SPARCL1: variants seen among roughly 807,000 people sequenced by gnomAD.
The protein encoded by SPARCL1 is SPARC-like protein 1.
SPARCL1 carries 52 observed loss-of-function variants against 67.1 expected under a neutral mutation model. The ratio of observed to expected loss-of-function variants is 0.78; its 90% CI spans 0.62 to 0.98. The LOEUF is 0.98. Ranked by LOEUF, SPARCL1 falls within the 50% of genes least tolerant of loss-of-function variation. The probability of loss-of-function intolerance (pLI) is 0.00; values close to 1 mark genes in which losing one functional copy is unlikely to be tolerated. For synonymous variants in SPARCL1, 226 were observed against 267.8 expected (o/e 0.84, Z 1.52); for missense variants, 717 against 782.4 (o/e 0.92, Z 1.00).
chr4:87,505,438 C>T (rs770422782), intron 1 of SPARCL1, among the ~76,000 whole-genome samples: 10 of 152,058 alleles, frequency 6.6e-5, no homozygotes, highest in Admixed American at 2.0e-4. Context: ...TGTAAAGAAT[C>T]ATTGAAAAAC....
chr4:87,519,642 A>G (rs1168044775), intron 1 of SPARCL1, among the ~76,000 whole-genome samples: 1 of 152,148 alleles, frequency 6.6e-6, no homozygotes, highest in Admixed American at 6.5e-5. Flanking sequence ...TTTTTTCCCT[A>G]TAAGCTGCAA....
In SPARCL1 at chr4:87,493,689, C is replaced by A; in HGVS notation, c.1111G>T (p.Ala371Ser). 1 of 1,614,112 alleles carries A rather than the reference C, an allele frequency of 6.2e-7. No individual in the cohort carries two copies. The highest frequency in any genetic ancestry group is 8.5e-7 in the Non-Finnish European group (1 of 1,180,014). Residue 371 changes from alanine (A) to serine (S), a missense_variant, in exon 4 of 11, where the codon GCC becomes TCC. Ala to Ser is a moderately conservative substitution (Grantham distance 99, BLOSUM62 1). Transcript: ENST00000282470. ...YFIPSQAFLE[A>S]ERAQSIAYHL... ...TAGGCAATGGATTGAGCTCTCTCGG[C>A]CTCCAGAAAGGCCTGGCTTGGGATG...
intron 1 of SPARCL1, among the ~76,000 whole-genome samples, chr4:87,513,726 C>T (rs1473055835): frequency 1.3e-5 from 2 of 152,180 alleles, no homozygotes; most frequent in African/African-American, 2.4e-5. Flanking sequence ...AGTGTTTCTC[C>T]TCCCCTTTTC....
In SPARCL1 at chr4:87,491,497, A is replaced by T. The variant is rs1245196204; in HGVS notation, c.1291+121T>A. 4 of 785,704 alleles carry T rather than the reference A, an allele frequency of 5.1e-6. No individual in the cohort carries two copies. In the African/African-American group the frequency reaches 6.7e-5, roughly 13 times the overall value. The allele number at this position is 785,704 out of a possible 1,614,324, so 48.7% of individuals were successfully genotyped here. A position where few individuals can be genotyped will look rare whatever the true frequency, so the allele number is the denominator to read the frequency against. ...AATTTATGGGAGCATTTCCTTGGGG[A>T]GGACTGGGGAGAGAAAAAATTCTGT... On this transcript the variant is annotated intron_variant, in intron 5 of 10. Transcript: ENST00000282470.
intron 10 of SPARCL1, among the ~76,000 whole-genome samples, chr4:87,479,080 G>A (rs1057143638): frequency 3.3e-5 from 5 of 152,158 alleles, no homozygotes; most frequent in African/African-American, 1.2e-4. Flanking sequence ...ATTTTGAAAA[G>A]TTTGGCCCAA....
chr4:87,528,592 G>A (rs1254943443), intron 1 of SPARCL1: 1 of 152,166 alleles, frequency 6.6e-6, no homozygotes, highest in Non-Finnish European at 1.5e-5. Flanking sequence ...CTACATTGCT[G>A]TTAGGCTCAG....
chr4:87,488,010 G>T (rs996825764), intron 7 of SPARCL1, among the ~76,000 whole-genome samples: 2 of 152,024 alleles, frequency 1.3e-5, no homozygotes, highest in Admixed American at 1.3e-4. Flanking sequence ...TTTTTTCAAG[G>T]TTCTTAGCTT....
At chr4:87,477,834 T>C (rs1203195314) in intron 10 of SPARCL1, among the ~76,000 whole-genome samples, 1 of 152,238 alleles carries the variant, frequency 6.6e-6, no homozygotes, top group Admixed American at 6.5e-5. Context: ...GAATTTAACC[T>C]GTTAAGTTGT....
intron 1 of SPARCL1, among the ~76,000 whole-genome samples, chr4:87,510,410 T>C (rs1246938055): frequency 3.3e-5 from 5 of 152,144 alleles, no homozygotes; most frequent in Non-Finnish European, 5.9e-5. Context: ...CTGAATACTG[T>C]CTTTTTACCA....
chr4:87,482,855 C>G (rs781168108), intron 7 of SPARCL1, among the ~76,000 whole-genome samples: 1 of 152,058 alleles, frequency 6.6e-6, no homozygotes, highest in East Asian at 1.9e-4. Flanking sequence ...GCAGCTAGGC[C>G]CCAGAATCAC....
At chr4:87,474,576 G>A (rs1723486472) in intron 10 of SPARCL1, among the ~76,000 whole-genome samples, 1 of 151,990 alleles carries the variant, frequency 6.6e-6, no homozygotes, top group Non-Finnish European at 1.5e-5. Context: ...GATCTCTTCT[G>A]ACCTTCACAA....
intron 8 of SPARCL1, 72 bp downstream of exon 8, chr4:87,482,351 GC>G: frequency 5.2e-6 from 8 of 1,524,396 alleles, no homozygotes; most frequent in East Asian, 2.3e-5. Flanking sequence ...GAGGTAGGTA[GC>G]CCCCCCACCA....
At chr4:87,482,332 C>T in intron 8 of SPARCL1, 92 bp downstream of exon 8, 2 of 1,383,756 alleles carry the variant, frequency 1.4e-6, no homozygotes, top group South Asian at 2.5e-5. Flanking sequence ...GGGCTTTTGC[C>T]AGTATGCAGA....
At chr4:87,508,216 CT>C (rs140005521) in intron 1 of SPARCL1, among the ~76,000 whole-genome samples, 20 of 149,838 alleles carry the variant, frequency 1.3e-4, no homozygotes, top group Admixed American at 5.3e-4. Flanking sequence ...TTTTTGGCCT[CT>C]TTTTTTTTTC....
chr4:87,527,030 G>T (rs1029550255), intron 1 of SPARCL1, among the ~76,000 whole-genome samples: 1 of 152,136 alleles, frequency 6.6e-6, no homozygotes, highest in African/African-American at 2.4e-5. Context: ...TATAAACAGG[G>T]TCCATATGGT....
rs1349562950 is a variant in SPARCL1 at position 87,493,938 on chromosome 4, T to C, written c.862A>G (p.Ile288Val). 2.5e-6 allele frequency: 4 copies of C among 1,614,202 alleles called. No individual in the cohort carries two copies. In the South Asian group the frequency reaches 3.3e-5, roughly 13 times the overall value. Residue 288 changes from isoleucine to valine, a missense_variant, in exon 4 of 11, where the codon ATT (isoleucine) becomes GTT (valine). Ile to Val is a conservative substitution (Grantham distance 29, BLOSUM62 3). Transcript: ENST00000282470. Reference protein sequence around the residue: ...EENASNVNKHIQETEWQSQEG... With the variant: ...EENASNVNKHVQETEWQSQEG... ...TGACTCTGCCATTCAGTTTCTTGAATGTGCTTATTGACGTTCGATGCATTT... is the reference window on the plus strand; with the variant it reads ...TGACTCTGCCATTCAGTTTCTTGAACGTGCTTATTGACGTTCGATGCATTT...
At chr4:87,509,248 G>T (rs1725247456) in intron 1 of SPARCL1, among the ~76,000 whole-genome samples, 1 of 152,026 alleles carries the variant, frequency 6.6e-6, no homozygotes, top group South Asian at 2.1e-4. Context: ...TAAGAGCTTT[G>T]CACACACATA....
chr4:87,514,828 C>A (rs1223089509), intron 1 of SPARCL1, among the ~76,000 whole-genome samples: 1 of 152,136 alleles, frequency 6.6e-6, no homozygotes, highest in African/African-American at 2.4e-5. Flanking sequence ...ATTTTGAAAA[C>A]AACTGTCATA....
At chr4:87,480,252 C>T in intron 9 of SPARCL1, 120 bp downstream of exon 9, 1 of 765,960 alleles carries the variant, frequency 1.3e-6, no homozygotes. Flanking sequence ...CCAGGCATTT[C>T]AGTATTCTAA....
Sources: gnomAD v4.1 joint callset for allele counts (sites outside exome capture counted in the v4.1 genomes callset) on GRCh38, gnomAD v4.1.1 for gene constraint, MANE v1.5 for transcripts, NCBI Gene and HGNC (gene_info 2026-07-23, HGNC 2026-07-21) for gene names.